PPP2R5E: variants seen among roughly 807,000 people sequenced by gnomAD.
The protein encoded by PPP2R5E is protein phosphatase 2 regulatory subunit B'epsilon.
PPP2R5E carries 4 observed loss-of-function variants against 65.3 expected under a neutral mutation model. The observed-to-expected ratio is 0.06, with a 90% CI of 0.03 to 0.14. The LOEUF is 0.14. PPP2R5E is among the 10% of genes least tolerant of loss of function. The probability of loss-of-function intolerance (pLI) is 1.00; values close to 1 mark genes in which losing one functional copy is unlikely to be tolerated. For synonymous variants in PPP2R5E, 183 were observed against 187.4 expected (o/e 0.98, Z 0.19); for missense variants, 274 against 556.1 (o/e 0.49, Z 5.10).
chr14:63,460,175 T>G (rs992159774), intron 2 of PPP2R5E, among the ~76,000 whole-genome samples: 1 of 152,182 alleles, frequency 6.6e-6, no homozygotes, highest in Non-Finnish European at 1.5e-5. Context: ...CATAAAGCAC[T>G]GTACTAAGCT....
intron 2 of PPP2R5E, among the ~76,000 whole-genome samples, chr14:63,493,072 C>T (rs762672194): frequency 2.6e-5 from 4 of 152,028 alleles, no homozygotes; most frequent in African/African-American, 7.2e-5. Flanking sequence ...GAGTGTGGCA[C>T]GCAGCCATAA....
intron 2 of PPP2R5E, among the ~76,000 whole-genome samples, chr14:63,519,507 A>ATTTT (rs557285871): frequency 0.019 from 2,349 of 124,232 alleles, 64 homozygotes; most frequent in African/African-American, 0.044. Context: ...TGCCCAGCTA[A>ATTTT]TTTTTTTTTT....
At chr14:63,416,778 T>G (rs1419742083) in intron 4 of PPP2R5E, among the ~76,000 whole-genome samples, 1 of 152,166 alleles carries the variant, frequency 6.6e-6, no homozygotes, top group African/African-American at 2.4e-5. Context: ...TATAGTTTTA[T>G]AAATCTCTTT....
intron 5 of PPP2R5E, among the ~76,000 whole-genome samples, chr14:63,410,407 C>G (rs1166022144): frequency 2.6e-5 from 4 of 152,146 alleles, no homozygotes; most frequent in Non-Finnish European, 5.9e-5. Context: ...AAAGACCTGA[C>G]TACCGAGTGC....
chr14:63,408,710 C>T (rs1426511958), intron 5 of PPP2R5E, among the ~76,000 whole-genome samples: 1 of 152,194 alleles, frequency 6.6e-6, no homozygotes, highest in Non-Finnish European at 1.5e-5. Flanking sequence ...GTCTTTCCAT[C>T]TAGCAATATG....
At chr14:63,479,968 C>G (rs906540557) in intron 2 of PPP2R5E, among the ~76,000 whole-genome samples, 4 of 152,108 alleles carry the variant, frequency 2.6e-5, no homozygotes, top group African/African-American at 7.2e-5. Flanking sequence ...GTAAAACTTT[C>G]CACAAAGAAT....
Position 63,460,641 on chromosome 14 carries a change from A to G in PPP2R5E, c.158-6756T>C, listed in dbSNP as rs1889403066. ...GGTTTAAGTTTTAGATAATAATAAC[A>G]TATTAATTATTCTTCCCAAATGAGA... On this transcript the variant is annotated intron_variant, in intron 2 of 13. Coordinates refer to ENST00000337537, the MANE Select transcript of PPP2R5E (RefSeq NM_006246.5). 3.9e-5 allele frequency among the ~76,000 whole-genome samples: 6 copies of G among 152,298 alleles called. No homozygotes were observed. In the South Asian group the frequency reaches 1.2e-3, roughly 32 times the overall value.
intron 2 of PPP2R5E, among the ~76,000 whole-genome samples, chr14:63,520,486 A>C (rs1892856329): frequency 6.6e-6 from 1 of 152,224 alleles, no homozygotes; most frequent in Admixed American, 6.5e-5. Flanking sequence ...ATTAATATCT[A>C]TCTCTCCAAA....
chr14:63,420,887 C>G (rs1436328022), intron 4 of PPP2R5E, among the ~76,000 whole-genome samples: 1 of 123,266 alleles, frequency 8.1e-6, no homozygotes, highest in Non-Finnish European at 1.6e-5. Flanking sequence ...CCCGTCTCTA[C>G]TAAAAATACA....
chr14:63,490,790 G>C lies in PPP2R5E; in HGVS notation c.158-36905C>G, dbSNP rs185021578. Among the ~76,000 whole-genome samples, 238 of 152,228 alleles carry C rather than the reference G, an allele frequency of 1.6e-3. 2 individuals carry two copies. Among genetic ancestry groups the C allele is most frequent in the South Asian group, 4.1e-3 (20 of 4,828 alleles). ...ACGCTCATACACTGATGATGGGATT[G>C]TAAATTAGTTCAGCCCCTATGTTAA... On this transcript the variant is annotated intron_variant, in intron 2 of 13. Transcript: ENST00000337537.
rs544332810 is a variant in PPP2R5E at position 63,537,575 on chromosome 14, ATC to A, written c.157+1952_157+1953del. The stretch of plus-strand genomic sequence containing the variant: ...ATAAACATTGGAATCTTATTTATGA[ATC>A]TCTCTCTCTTTTTTAAAAAAAGTAT... On this transcript the variant is annotated intron_variant, in intron 2 of 13. Transcript: ENST00000337537. 2.3e-4 allele frequency among the ~76,000 whole-genome samples: 35 copies of A among 152,228 alleles called. 2 individuals are homozygous for A. The highest frequency in any genetic ancestry group is 9.8e-4 in the Admixed American group (15 of 15,280).
At chr14:63,454,369 T>C (rs1889009493) in intron 2 of PPP2R5E, among the ~76,000 whole-genome samples, 1 of 152,246 alleles carries the variant, frequency 6.6e-6, no homozygotes, top group Admixed American at 6.5e-5. Flanking sequence ...TATATTTTTT[T>C]GTTTTGTTTT....
intron 13 of PPP2R5E, among the ~76,000 whole-genome samples, chr14:63,378,202 T>A (rs1884100719): frequency 6.6e-6 from 1 of 152,236 alleles, no homozygotes; most frequent in Non-Finnish European, 1.5e-5. Flanking sequence ...TATGACCTTT[T>A]TATTTGGAGA....
At chr14:63,480,162 A>T (rs1392339963) in intron 2 of PPP2R5E, among the ~76,000 whole-genome samples, 1 of 152,102 alleles carries the variant, frequency 6.6e-6, no homozygotes, top group African/African-American at 2.4e-5. Context: ...CTTTTTCTTA[A>T]GAGTTGGGGT....
chr14:63,457,787 T>C (rs1224793870), intron 2 of PPP2R5E, among the ~76,000 whole-genome samples: 1 of 152,118 alleles, frequency 6.6e-6, no homozygotes, highest in Non-Finnish European at 1.5e-5. Context: ...AAAGAGAGAA[T>C]AATTGATCCC....
At chr14:63,457,557 A>T (rs186603345) in intron 2 of PPP2R5E, among the ~76,000 whole-genome samples, 1 of 152,322 alleles carries the variant, frequency 6.6e-6, no homozygotes, top group African/African-American at 2.4e-5. Context: ...GAATTAGGAA[A>T]ATTAAAGGTC....
rs574340721 is a variant in PPP2R5E, at chr14:63,379,690, A to G, written c.1304+2366T>C. 4.6e-5 allele frequency among the ~76,000 whole-genome samples: 7 copies of G among 152,268 alleles called. No homozygotes were observed. The East Asian group carries it at 1.4e-3, about 29-fold the overall frequency. ...AGTTTTATCTATTCCTGGTCCCCTTAGTTAATTCTCATCTTTTTCAAGGGT... is the reference window on the plus strand; with the variant it reads ...AGTTTTATCTATTCCTGGTCCCCTTGGTTAATTCTCATCTTTTTCAAGGGT... On this transcript the variant is annotated intron_variant, in intron 13 of 13. Coordinates refer to ENST00000337537, the MANE Select transcript of PPP2R5E (RefSeq NM_006246.5).
At chr14:63,528,733 T>G (rs1330134754) in intron 2 of PPP2R5E, among the ~76,000 whole-genome samples, 1 of 152,178 alleles carries the variant, frequency 6.6e-6, no homozygotes, top group Non-Finnish European at 1.5e-5. Context: ...AATAAACTGT[T>G]TAAATATTTA....
intron 7 of PPP2R5E, 39 bp downstream of exon 7, chr14:63,395,187 T>C (rs1419973144): frequency 6.5e-7 from 1 of 1,547,480 alleles, no homozygotes; most frequent in African/African-American, 1.4e-5. Flanking sequence ...TTTAAAATAA[T>C]ATTCATCTGA....
Sources: gnomAD v4.1 joint callset for allele counts (sites outside exome capture counted in the v4.1 genomes callset) on GRCh38, gnomAD v4.1.1 for gene constraint, MANE v1.5 for transcripts, NCBI Gene and HGNC (gene_info 2026-07-23, HGNC 2026-07-21) for gene names.